The following SLFN13 variants were observed in gnomAD, a reference collection of about 807,000 sequenced individuals.
The protein encoded by SLFN13 is schlafen-13.
A neutral mutation model predicts 50.6 loss-of-function variants in SLFN13; 43 were observed. The ratio of observed to expected loss-of-function variants is 0.85; its 90% confidence interval spans 0.67 to 1.09. SLFN13 has a LOEUF of 1.09. SLFN13 is among the 50% of genes least tolerant of loss of function. The pLI is 0.00. For missense variants in SLFN13, 881 were observed against 1,071.1 expected, an observed-to-expected ratio of 0.82 and a Z score of 2.48; for synonymous variants, 339 against 386.5, an observed-to-expected ratio of 0.88 and a Z score of 1.44.
chr17:35,445,061 G>T lies in SLFN13; in HGVS notation c.620C>A (p.Pro207His), dbSNP rs1391301043. The T allele has an allele frequency of 6.8e-6, 11 of 1,613,854 alleles. No homozygotes were observed. Among genetic ancestry groups the T allele is most frequent in the Non-Finnish European group, 9.3e-6 (11 of 1,180,022 alleles). ...TTTAAACTCTATGGATGGAGACTCAGGAAAAGATAGGATTTCACCATATTC... is the reference window on the plus strand; with the variant it reads ...TTTAAACTCTATGGATGGAGACTCATGAAAAGATAGGATTTCACCATATTC... ...TIEYGEILSF[P>H]ESPSIEFKQF... Residue 207 changes from proline to histidine, a missense_variant, in exon 3 of 6, where the codon CCT (proline) becomes CAT (histidine). Physicochemically the swap from Pro to His is moderately conservative, Grantham distance 77 (BLOSUM62 -2). Coordinates refer to ENST00000285013, the MANE Select transcript of SLFN13 (RefSeq NM_144682.6).
At chr17:35,442,410 T>C in intron 4 of SLFN13, 124 bp from the exon 5 acceptor site, 4 of 1,128,622 alleles carry the variant, frequency 3.5e-6, no homozygotes, top group Non-Finnish European at 3.6e-6. Flanking sequence ...AGAAATTCCT[T>C]CTGGTGCATC....
In SLFN13 at chr17:35,441,094, C is replaced by A; in HGVS notation, c.2195G>T (p.Arg732Leu). 1.9e-6 allele frequency: 3 copies of A among 1,614,016 alleles called. No individual in the cohort carries two copies. Among genetic ancestry groups the A allele is most frequent in the Non-Finnish European group, 2.5e-6 (3 of 1,180,012 alleles). The change falls in exon 6 of 6, where the codon CGC becomes CTC. Residue 732 changes from arginine to leucine, a missense_variant. Physicochemically the swap from Arg to Leu is moderately radical, Grantham distance 102. This residue lies in a region of SLFN13 where 322 missense variants were observed against 327.4 expected (regional missense o/e 0.98). Coordinates refer to ENST00000285013, the MANE Select transcript of SLFN13 (RefSeq NM_144682.6). ...GTACTCGGCTATTTCATCTGCATTG[C>A]GAACTACTCTGGTGAGCTCTTCTCT... ...YPREELTRVV[R>L]NADEIAEYIQ...
At chr17:35,446,967 A>G (rs1325971641) in intron 2 of SLFN13, 2 of 152,218 alleles carry the variant, frequency 1.3e-5, no homozygotes, top group African/African-American at 2.4e-5. Flanking sequence ...TGGGGACTTC[A>G]AAGTTAAATC....
chr17:35,440,525 A>C lies in SLFN13; in HGVS notation c.*70T>G. Reference sequence around the variant, plus strand: ...TTGTGAACTAAAAAGAAAGGTTTCTACCATCAGCAGACTGTCACCCATAGA... The same window carrying C: ...TTGTGAACTAAAAAGAAAGGTTTCTCCCATCAGCAGACTGTCACCCATAGA... On this transcript the variant is annotated 3_prime_UTR_variant, in exon 6 of 6. Transcript: ENST00000285013. The C allele has an allele frequency of 6.5e-7, 1 of 1,537,554 alleles. No homozygotes were observed. Among genetic ancestry groups the C allele is most frequent in the Non-Finnish European group, 8.9e-7 (1 of 1,127,292 alleles).
chr17:35,449,522 C>T (rs890272380), upstream of SLFN13, among the ~76,000 whole-genome samples: 9 of 152,162 alleles, frequency 5.9e-5, no homozygotes, highest in Admixed American at 5.9e-4. Context: ...CCCGGGAACC[C>T]CAGGTCAAAA....
chr17:35,441,028 A>C lies in SLFN13; in HGVS notation c.2261T>G (p.Ile754Ser). Residue 754 changes from isoleucine to serine, a missense_variant, in exon 6 of 6, where the codon ATT becomes AGT. Ile to Ser is a moderately radical substitution (Grantham distance 142). Coordinates refer to ENST00000285013, the MANE Select transcript of SLFN13 (RefSeq NM_144682.6). ...EMQLIIENPP[I>S]NIPHGYLAIL... ...TGCCAGATACCCATGGGGGATATTA[A>C]TTGGAGGATTTTCTATAATTAGTTG... 1 of 1,613,172 alleles carries C rather than the reference A, an allele frequency of 6.2e-7. No individual in the cohort carries two copies. The highest frequency in any genetic ancestry group is 1.6e-4 in the Middle Eastern group (1 of 6,062).
rs73293375 is a variant in SLFN13, at chr17:35,440,387, G to T, written c.*208C>A. 3.6e-3 allele frequency: 2,248 copies of T among 621,496 alleles called. 39 individuals carry two copies. The highest frequency in any genetic ancestry group is 0.036 in the African/African-American group (1,941 of 54,426). 38.5% of individuals were successfully genotyped at this position (621,496 alleles called of 1,614,324 possible). A position where few individuals can be genotyped will look rare whatever the true frequency, so the allele number is the denominator to read the frequency against. ...GGCTGCAAGAGTCAGGGGTCAGAAT[G>T]GGGGGCAGCCACCACTGCTGAAAAG... On this transcript the variant is annotated 3_prime_UTR_variant, in exon 6 of 6. Transcript: ENST00000285013.
chr17:35,442,475 G>A (rs935395552), intron 4 of SLFN13, among the ~76,000 whole-genome samples, 189 bp from the exon 5 acceptor site: 8 of 152,110 alleles, frequency 5.3e-5, no homozygotes, highest in African/African-American at 1.4e-4. Context: ...ACGGAGTCTC[G>A]CTCTGTCGCC....
chr17:35,445,514 G>A lies in SLFN13; in HGVS notation c.167C>T (p.Ser56Leu), dbSNP rs772185098. 8.1e-6 allele frequency: 13 copies of A among 1,614,096 alleles called. No individual in the cohort carries two copies. Among genetic ancestry groups the A allele is most frequent in the Non-Finnish European group, 8.5e-6 (10 of 1,180,014 alleles). ...TTCCATCTGAATCACTCCTCCTCCT[G>A]AGTTTAATAAAGCACACGCGGCCCG... ...VIRAACALLN[S>L]GGGVIQMEMA... is the part of the protein sequence containing the mutation. The change falls in exon 3 of 6, where the codon TCA becomes TTA. Residue 56 changes from serine (S) to leucine (L), a missense_variant. Physicochemically the swap from Ser to Leu is moderately radical, Grantham distance 145. Around this residue, in one of 5 missense-constraint regions of SLFN13, gnomAD observed 497 missense variants for 518.3 expected, o/e 0.96. Transcript: ENST00000285013.
chr17:35,439,443 A>AT lies in SLFN13; in HGVS notation c.*1151dup, dbSNP rs1912741559. 6.6e-6 allele frequency: 1 copy of AT among 151,816 alleles called. No homozygotes were observed. 9.4% of individuals were successfully genotyped at this position (151,816 alleles called of 1,614,324 possible). A position where few individuals can be genotyped will look rare whatever the true frequency, so the allele number is the denominator to read the frequency against. On this transcript the variant is annotated 3_prime_UTR_variant, in exon 6 of 6. Transcript: ENST00000285013. ...GAGTAATGCATACAGCTACGCTGAG[A>AT]TGTTACAATGTAACAACATAAACTC...
chr17:35,437,379 G>C lies in SLFN13; in HGVS notation c.*3216C>G, dbSNP rs1245648462. On this transcript the variant is annotated 3_prime_UTR_variant, in exon 6 of 6. Transcript: ENST00000285013. ...GATAATTTTTTGTTGTCTTCTCGAG[G>C]GGGGGGTCATGCTATGCTGCCCAGG... 1 of 151,706 alleles carries C rather than the reference G, an allele frequency of 6.6e-6. No homozygotes were observed. The highest frequency in any genetic ancestry group is 2.1e-4 in the South Asian group (1 of 4,804). The allele number at this position is 151,706 out of a possible 1,614,324, so 9.4% of individuals were successfully genotyped here.
At chr17:35,441,404 A>T in intron 5 of SLFN13, 38 bp from the exon 6 acceptor site, 2 of 1,574,996 alleles carry the variant, frequency 1.3e-6, no homozygotes, top group Non-Finnish European at 1.7e-6. Context: ...GTTTTCTCTA[A>T]GAAAACAAGG....
chr17:35,448,920 C>T (rs1037354769), upstream of SLFN13: 2 of 152,520 alleles, frequency 1.3e-5, no homozygotes, highest in East Asian at 1.9e-4. Flanking sequence ...GCCACGCTGT[C>T]TAGAAGGCCT....
upstream of SLFN13, chr17:35,448,878 A>T (rs947307963): frequency 6.6e-6 from 1 of 152,322 alleles, no homozygotes; most frequent in African/African-American, 2.4e-5. Context: ...GGACGCGCCA[A>T]TGGGAGTGTC....
Position 35,435,958 on chromosome 17 carries a change from G to A in SLFN13, c.*4637C>T, listed in dbSNP as rs553005887. ...TTGATTTTTTAACGCCAAAATCAAC[G>A]TTGAATTCCTGACTTGAACCACCTT... On this transcript the variant is annotated 3_prime_UTR_variant, in exon 6 of 6. Coordinates refer to ENST00000285013, the MANE Select transcript of SLFN13 (RefSeq NM_144682.6). The A allele has an allele frequency of 1.1e-4, 17 of 152,168 alleles. No homozygotes were observed. Among genetic ancestry groups the A allele is most frequent in the African/African-American group, 4.1e-4 (17 of 41,546 alleles). 9.4% of individuals were successfully genotyped at this position (152,168 alleles called of 1,614,324 possible). A position where few individuals can be genotyped will look rare whatever the true frequency, so the allele number is the denominator to read the frequency against.
Position 35,440,504 on chromosome 17 carries a change from G to A in SLFN13, c.*91C>T. 1 of 1,440,742 alleles carries A rather than the reference G, an allele frequency of 6.9e-7. No homozygotes were observed. Among genetic ancestry groups the A allele is most frequent in the Admixed American group, 2.0e-5 (1 of 50,630 alleles). The allele number at this position is 1,440,742 out of a possible 1,614,324, so 89.2% of individuals were successfully genotyped here. ...CTGTCCAAATCTCTAACTGACTTGT[G>A]AACTAAAAAGAAAGGTTTCTACCAT... On this transcript the variant is annotated 3_prime_UTR_variant, in exon 6 of 6. Transcript: ENST00000285013.
intron 1 of SLFN13, 36 bp downstream of exon 1, chr17:35,448,686 T>G (rs1913357103): frequency 6.6e-6 from 1 of 152,258 alleles, no homozygotes; most frequent in Non-Finnish European, 1.5e-5. Flanking sequence ...AAACGGGAGC[T>G]CCGCAGTCCC....
chr17:35,444,032 A>T (rs1198825757), intron 3 of SLFN13, 112 bp from the exon 4 acceptor site: 1 of 1,039,186 alleles, frequency 9.6e-7, no homozygotes, highest in Non-Finnish European at 1.3e-6. Flanking sequence ...GTCAGGCCAC[A>T]AAGTCAGATG....
rs145618678 is a variant in SLFN13, at chr17:35,445,334, G to T, written c.347C>A (p.Pro116His). 1.2e-5 allele frequency: 19 copies of T among 1,613,618 alleles called. No homozygotes were observed. The African/African-American group carries it at 2.1e-4, about 18-fold the overall frequency. Reference sequence around the variant, plus strand: ...ATTGAAAGAACCATCTTTAAGGAAAGGATCACCACTCCAAGATTTAACAAA... The same window carrying T: ...ATTGAAAGAACCATCTTTAAGGAAATGATCACCACTCCAAGATTTAACAAA... ...YIFVKSWSGD[P>H]FLKDGSFNSR... Residue 116 changes from proline to histidine, a missense_variant, in exon 3 of 6, where the codon CCT becomes CAT. Physicochemically the swap from Pro to His is moderately conservative, Grantham distance 77. Around this residue, in one of 5 missense-constraint regions of SLFN13, gnomAD observed 497 missense variants for 518.3 expected, o/e 0.96. Coordinates refer to ENST00000285013, the MANE Select transcript of SLFN13 (RefSeq NM_144682.6).
Sources: allele counts gnomAD v4.1 joint callset (sites outside exome capture counted in the v4.1 genomes callset), GRCh38; gene constraint gnomAD v4.1.1; regional missense constraint gnomAD v4.1.1; transcripts MANE v1.5; gene names NCBI Gene and HGNC (gene_info 2026-07-23, HGNC 2026-07-21).